Variants in PPP2R3A observed in about 807,000 individuals in gnomAD.
PPP2R3A encodes protein phosphatase 2 regulatory subunit B''alpha, also known as serine/threonine-protein phosphatase 2A regulatory subunit B'' subunit alpha.
In PPP2R3A, 80 loss-of-function variants were observed where a neutral mutation model predicts 106.9. The ratio of observed to expected loss-of-function variants is 0.75; its 90% CI spans 0.62 to 0.90. PPP2R3A has a LOEUF of 0.90. Ranked by LOEUF, PPP2R3A falls within the 40% of genes least tolerant of loss-of-function variation. The pLI, the probability that PPP2R3A is intolerant of heterozygous loss-of-function variation, is 0.00. For synonymous variants in PPP2R3A, 483 were observed against 468.3 expected (o/e 1.03, Z -0.41); for missense variants, 1,386 against 1,350.4 (o/e 1.03, Z -0.41).
At chr3:136,063,744 A>G (rs574135654) in intron 5 of PPP2R3A, among the ~76,000 whole-genome samples, 20 of 150,634 alleles carry the variant, frequency 1.3e-4, no homozygotes, top group East Asian at 1.9e-4. Context: ...TTAGAATGGC[A>G]ATCATTAAAA....
intron 12 of PPP2R3A, among the ~76,000 whole-genome samples, chr3:136,104,691 G>C (rs1937471367): frequency 6.6e-6 from 1 of 152,176 alleles, no homozygotes; most frequent in South Asian, 2.1e-4. Context: ...ATAAATGTTA[G>C]AAGGATAGAG....
chr3:135,972,175 C>G (rs984241124), intron 1 of PPP2R3A, among the ~76,000 whole-genome samples: 3 of 152,150 alleles, frequency 2.0e-5, no homozygotes, highest in Non-Finnish European at 4.4e-5. Context: ...TGCTTTCTGT[C>G]TATATGGATT....
intron 13 of PPP2R3A, among the ~76,000 whole-genome samples, chr3:136,136,065 AAAAAAAAATT>A (rs1187480209): frequency 1.9e-4 from 6 of 30,800 alleles, no homozygotes; most frequent in African/African-American, 3.8e-4. Flanking sequence ...AAAAAAAAAA[AAAAAAAAATT>A]ATATATATAT....
rs189639134 is a variant in PPP2R3A, at chr3:136,081,533, T to G, written c.2632-732T>G. 3.7e-4 allele frequency among the ~76,000 whole-genome samples: 57 copies of G among 152,342 alleles called. No homozygotes were observed. The East Asian group carries it at 0.01, about 27-fold the overall frequency. The stretch of plus-strand genomic sequence containing the variant: ...TTGTGACTATTCATATATCTGATTT[T>G]ATTTCTGCCATTTCATTTTTTTATA... On this transcript the variant is annotated intron_variant, in intron 7 of 13. Coordinates refer to ENST00000264977, the MANE Select transcript of PPP2R3A (RefSeq NM_002718.5).
intron 10 of PPP2R3A, among the ~76,000 whole-genome samples, chr3:136,096,883 G>T (rs1442097237): frequency 6.6e-6 from 1 of 152,174 alleles, no homozygotes; most frequent in Non-Finnish European, 1.5e-5. Flanking sequence ...TGAACCCGGG[G>T]GTTGGGGAGG....
chr3:136,103,150 A>G, intron 11 of PPP2R3A, 108 bp from the exon 12 acceptor site: 1 of 543,524 alleles, frequency 1.8e-6, no homozygotes, highest in Non-Finnish European at 3.2e-6. Flanking sequence ...TGAAAATAGG[A>G]CTTTTATAAT....
At chr3:135,977,688 CTTTTTTTTTT>C (rs66592538) in intron 1 of PPP2R3A, among the ~76,000 whole-genome samples, 29 of 61,126 alleles carry the variant, frequency 4.7e-4, no homozygotes, top group Non-Finnish European at 5.6e-4. Flanking sequence ...GATCAGCATT[CTTTTTTTTTT>C]TTTTTTTTTT....
intron 5 of PPP2R3A, among the ~76,000 whole-genome samples, chr3:136,065,036 GATGGGTTGATATT>G (rs1357456274): frequency 6.6e-6 from 1 of 152,136 alleles, no homozygotes; most frequent in Non-Finnish European, 1.5e-5. Flanking sequence ...AGAGAATAAG[GATGGGTTGATATT>G]ATCCTATGTA....
intron 2 of PPP2R3A, chr3:136,023,063 T>G: frequency 6.2e-7 from 1 of 1,612,854 alleles, no homozygotes. Flanking sequence ...ACATTTACTT[T>G]TCAAAGATGA....
chr3:136,048,554 C>T (rs1935556049), intron 4 of PPP2R3A, among the ~76,000 whole-genome samples: 1 of 152,044 alleles, frequency 6.6e-6, no homozygotes, highest in Non-Finnish European at 1.5e-5. Context: ...CGCCTATAGT[C>T]CCAGCTACTC....
intron 5 of PPP2R3A, among the ~76,000 whole-genome samples, 162 bp from the exon 6 acceptor site, chr3:136,070,316 C>T (rs893141088): frequency 5.9e-5 from 9 of 152,096 alleles, no homozygotes; most frequent in African/African-American, 2.2e-4. Context: ...CATAAGTATG[C>T]TTATAATGAA....
intron 12 of PPP2R3A, 95 bp downstream of exon 12, chr3:136,103,471 T>A: frequency 3.6e-6 from 3 of 836,134 alleles, no homozygotes; most frequent in Non-Finnish European, 5.6e-6. Context: ...GGAATTTCGG[T>A]AAAGAGGTAA....
chr3:136,066,322 A>G (rs1576475786), intron 5 of PPP2R3A, among the ~76,000 whole-genome samples: 1 of 152,320 alleles, frequency 6.6e-6, no homozygotes, highest in East Asian at 1.9e-4. Context: ...AATCAGGAAA[A>G]GACCATCCAG....
chr3:136,075,025 C>T (rs547511043), intron 6 of PPP2R3A, among the ~76,000 whole-genome samples: 5 of 152,334 alleles, frequency 3.3e-5, no homozygotes, highest in Non-Finnish European at 5.9e-5. Context: ...GTTTGTTCTT[C>T]TGTACACATA....
intron 1 of PPP2R3A, among the ~76,000 whole-genome samples, chr3:135,966,364 G>C (rs1937085090): frequency 6.6e-6 from 1 of 152,196 alleles, no homozygotes; most frequent in Non-Finnish European, 1.5e-5. Flanking sequence ...TGTGTCACCA[G>C]CTCCGGGCCG....
chr3:136,023,123 A>G (rs1934522055), intron 2 of PPP2R3A: 4 of 1,613,592 alleles, frequency 2.5e-6, no homozygotes, highest in Admixed American at 3.3e-5. Flanking sequence ...GGGGAGAGCT[A>G]GCTTTCCTGG....
intron 1 of PPP2R3A, among the ~76,000 whole-genome samples, chr3:135,991,542 A>C (rs770462676): frequency 3.4e-5 from 5 of 147,156 alleles, no homozygotes; most frequent in Non-Finnish European, 7.4e-5. Context: ...TTTGCAGATT[A>C]CATGCATTAA....
intron 13 of PPP2R3A, among the ~76,000 whole-genome samples, chr3:136,131,185 C>A (rs1938400272): frequency 6.6e-6 from 1 of 152,202 alleles, no homozygotes; most frequent in African/African-American, 2.4e-5. Context: ...TAAAGAGCTT[C>A]TGCACAGCAA....
chr3:136,143,157 G>A (rs1280728265), intron 13 of PPP2R3A, among the ~76,000 whole-genome samples: 1 of 152,178 alleles, frequency 6.6e-6, no homozygotes, highest in Non-Finnish European at 1.5e-5. Flanking sequence ...TATCAAGTAA[G>A]CTTTTTAAAA....
Sources: allele counts gnomAD v4.1 joint callset (sites outside exome capture counted in the v4.1 genomes callset), GRCh38; gene constraint gnomAD v4.1.1; transcripts MANE v1.5; gene names NCBI Gene and HGNC (gene_info 2026-07-23, HGNC 2026-07-21).